The following FGFR2 variants were observed in gnomAD, a reference collection of about 807,000 sequenced individuals.
FGFR2 encodes the protein fibroblast growth factor receptor 2, also known as BEK fibroblast growth factor receptor.
In FGFR2, 19 loss-of-function variants were observed where a neutral mutation model predicts 95.9. That is an observed-to-expected ratio of 0.20 (90% confidence interval 0.14 to 0.29). The LOEUF (loss-of-function observed/expected upper bound fraction) is 0.29. FGFR2 is among the 10% of genes least tolerant of loss of function. The probability of loss-of-function intolerance (pLI) is 1.00; values close to 1 mark genes in which losing one functional copy is unlikely to be tolerated. For missense variants in FGFR2, 707 were observed against 1,056.9 expected (o/e 0.67, Z 4.59); for synonymous variants, 392 against 393.3 (o/e 1.00, Z 0.04).
intron 17 of FGFR2, chr10:121,481,852 T>TTA: frequency 5.1e-6 from 1 of 196,106 alleles, no homozygotes; most frequent in South Asian, 2.0e-4. Flanking sequence ...TTTTTTTTTT[T>TTA]TTGAGACGGA....
intron 2 of FGFR2, among the ~76,000 whole-genome samples, chr10:121,571,089 CG>C (rs1340447440): frequency 2.1e-5 from 3 of 141,032 alleles, no homozygotes; most frequent in Non-Finnish European, 4.6e-5. Flanking sequence ...CCCGGGTTCA[CG>C]CTATTCACCT....
At chr10:121,542,328 G>T (rs570012761) in intron 5 of FGFR2, among the ~76,000 whole-genome samples, 1 of 152,180 alleles carries the variant, frequency 6.6e-6, no homozygotes, top group Admixed American at 6.5e-5. Flanking sequence ...TGGGATTATG[G>T]GTATTGCCTA....
intron 5 of FGFR2, among the ~76,000 whole-genome samples, chr10:121,548,714 G>A (rs1049691126): frequency 1.3e-5 from 2 of 151,970 alleles, no homozygotes; most frequent in African/African-American, 4.8e-5. Flanking sequence ...TAACCACCAG[G>A]ATTTTGACCA....
At chr10:121,597,366 G>A (rs1468125518) in intron 1 of FGFR2, among the ~76,000 whole-genome samples, 1 of 152,204 alleles carries the variant, frequency 6.6e-6, no homozygotes, top group Non-Finnish European at 1.5e-5. Context: ...CTAGCCCCAG[G>A]CGCACTGCGC....
At chr10:121,555,367 CTG>C in intron 4 of FGFR2, among the ~76,000 whole-genome samples, 1 of 98,336 alleles carries the variant, frequency 1.0e-5, no homozygotes. Context: ...GAGCAAAACT[CTG>C]TCTCAATCAA....
intron 8 of FGFR2, among the ~76,000 whole-genome samples, chr10:121,516,949 C>G (rs34066125): frequency 1.7e-3 from 255 of 152,278 alleles, no homozygotes; most frequent in Middle Eastern, 3.4e-3. Flanking sequence ...AAAACACATA[C>G]AGGATTTTAG....
rs1420026229 is a variant in FGFR2 at position 121,500,698 on chromosome 10, CT to C, written c.1561+127del. 32 of 1,340,150 alleles carry C rather than the reference CT, an allele frequency of 2.4e-5. No homozygotes were observed. In the Admixed American group the frequency reaches 5.3e-4, roughly 22 times the overall value. 83.0% of individuals were successfully genotyped at this position (1,340,150 alleles called of 1,614,324 possible). A position where few individuals can be genotyped will look rare whatever the true frequency, so the allele number is the denominator to read the frequency against. On this transcript the variant is annotated intron_variant, in intron 11 of 17. Transcript: ENST00000358487. ...AGATGCTGATTTATACCGAAAACTT[CT>C]CAACCCCTAGGTCAACTATGTGCTC...
intron 1 of FGFR2, chr10:121,594,173 A>C: frequency 4.4e-6 from 2 of 458,004 alleles, no homozygotes; most frequent in Non-Finnish European, 8.0e-6. Context: ...TAATCTTTTT[A>C]AAAGCATACT....
At chr10:121,574,545 A>ATAC (rs932372919) in intron 2 of FGFR2, among the ~76,000 whole-genome samples, 2 of 151,822 alleles carry the variant, frequency 1.3e-5, no homozygotes, top group African/African-American at 2.4e-5. Context: ...AATAATAATA[A>ATAC]TAATAATTAA....
At chr10:121,508,943 T>C (rs561226765) in intron 9 of FGFR2, among the ~76,000 whole-genome samples, 4 of 152,382 alleles carry the variant, frequency 2.6e-5, no homozygotes, top group East Asian at 1.9e-4. Flanking sequence ...CGAGCCTGTG[T>C]TGGGGGCTTG....
At position 121,518,959 on chromosome 10, in the gene FGFR2, G is replaced by A. The variant is rs1382703446; in HGVS notation, c.939+1020C>T. The A allele has an allele frequency of 1.4e-5, 16 of 1,106,262 alleles. No individual in the cohort carries two copies. Among genetic ancestry groups the A allele is most frequent in the East Asian group, 7.5e-5 (3 of 40,208 alleles). 68.5% of individuals were successfully genotyped at this position (1,106,262 alleles called of 1,614,324 possible). A position where few individuals can be genotyped will look rare whatever the true frequency, so the allele number is the denominator to read the frequency against. Reference sequence around the variant, plus strand: ...CTAAACAGCGGCATTAAAGGGCTGCGGATTTTAAAGAACAAAATCAGTCCA... The same window carrying A: ...CTAAACAGCGGCATTAAAGGGCTGCAGATTTTAAAGAACAAAATCAGTCCA... On this transcript the variant is annotated intron_variant, in intron 7 of 17. Coordinates refer to ENST00000358487, the MANE Select transcript of FGFR2 (RefSeq NM_000141.5). This position sits in a 1 kb window ranked among gnomAD's most constrained non-coding sequence, Gnocchi z 4.0.
chr10:121,585,540 G>A (rs374176828), intron 2 of FGFR2, among the ~76,000 whole-genome samples: 6 of 152,184 alleles, frequency 3.9e-5, no homozygotes, highest in East Asian at 3.8e-4. Context: ...CTTCAAGATA[G>A]ATACTATCTC....
intron 6 of FGFR2, chr10:121,538,040 A>G (rs1853115294): frequency 2.7e-6 from 1 of 376,148 alleles, no homozygotes; most frequent in Non-Finnish European, 4.8e-6. Flanking sequence ...GCTCATATAC[A>G]TGGTTCCCTT....
At chr10:121,597,434 C>A (rs540594517) in intron 1 of FGFR2, among the ~76,000 whole-genome samples, 1 of 152,342 alleles carries the variant, frequency 6.6e-6, no homozygotes, top group South Asian at 2.1e-4. Flanking sequence ...GGAGCCGTCG[C>A]CTCCCCAGCA....
chr10:121,482,024 A>G lies in FGFR2; in HGVS notation c.2301+1674T>C, dbSNP rs1325527152. 10 of 605,602 alleles carry G rather than the reference A, an allele frequency of 1.7e-5. No homozygotes were observed. In the African/African-American group the frequency reaches 1.9e-4, roughly 11 times the overall value. The allele number at this position is 605,602 out of a possible 1,614,324, so 37.5% of individuals were successfully genotyped here. ...GGCTAATTTTTTGTATCTTTAGTAG[A>G]GACAGGGTTTCACCATGTTGGCCAG... On this transcript the variant is annotated intron_variant, in intron 17 of 17. Coordinates refer to ENST00000358487, the MANE Select transcript of FGFR2 (RefSeq NM_000141.5).
intron 5 of FGFR2, among the ~76,000 whole-genome samples, chr10:121,551,064 C>T (rs1225704907): frequency 2.6e-5 from 4 of 151,910 alleles, no homozygotes; most frequent in African/African-American, 7.3e-5. Flanking sequence ...GCTACAGATA[C>T]AAAAAATTAG....
intron 13 of FGFR2, among the ~76,000 whole-genome samples, chr10:121,495,966 A>G (rs1412644981): frequency 2.6e-5 from 4 of 152,234 alleles, no homozygotes; most frequent in African/African-American, 9.6e-5. Flanking sequence ...CCTGGAATGC[A>G]GGCAGTCCAC....
Position 121,554,505 on chromosome 10 carries a change from A to AT in FGFR2, c.455-3047dup, listed in dbSNP as rs11334001. On this transcript the variant is annotated intron_variant, in intron 4 of 17. Transcript: ENST00000358487. Reference sequence around the variant, plus strand: ...AGGTGCCCGCCACCATGCCCGGCTAATTTTTTTTTTTTTTTTTTTGTATTT... The same window carrying AT: ...AGGTGCCCGCCACCATGCCCGGCTAATTTTTTTTTTTTTTTTTTTTGTATTT... Among the ~76,000 whole-genome samples the AT allele has an allele frequency of 7.6e-3, 922 of 121,942 alleles. 10 individuals carry two copies. The highest frequency in any genetic ancestry group is 0.028 in the South Asian group (99 of 3,562). 80.0% of individuals were successfully genotyped at this position (121,942 alleles called of 152,430 possible).
chr10:121,595,458 GTGCATGGTGTGTGTGTA>G (rs1393460170), intron 1 of FGFR2, among the ~76,000 whole-genome samples: 42 of 152,246 alleles, frequency 2.8e-4, no homozygotes, highest in African/African-American at 8.9e-4. Flanking sequence ...GTGTGTGTGC[GTGCATGGTGTGTGTGTA>G]TGCACGGTGT....
Sources: gnomAD v4.1 joint callset for allele counts (sites outside exome capture counted in the v4.1 genomes callset) on GRCh38, gnomAD v4.1.1 for gene constraint, Gnocchi (gnomAD v3.1) non-coding constraint, MANE v1.5 for transcripts, NCBI Gene and HGNC (gene_info 2026-07-23, HGNC 2026-07-21) for gene names.